The following KMT2E variants were observed in gnomAD, a reference collection of about 807,000 sequenced individuals.
The protein encoded by KMT2E is histone reader KMT2E.
In KMT2E, 30 loss-of-function variants were observed where a neutral mutation model predicts 184.6. The observed-to-expected ratio is 0.16, with a 90% CI of 0.12 to 0.22. KMT2E has a LOEUF of 0.22. KMT2E is among the 10% of genes least tolerant of loss of function. The pLI is 1.00. For missense variants in KMT2E, 2,023 were observed against 2,237.4 expected, an observed-to-expected ratio of 0.90 and a Z score of 1.93; for synonymous variants, 815 against 776.5, an observed-to-expected ratio of 1.05 and a Z score of -0.82.
intron 18 of KMT2E, 47 bp downstream of exon 18, chr7:105,105,740 A>C: frequency 2.5e-6 from 4 of 1,575,798 alleles, no homozygotes; most frequent in Non-Finnish European, 3.4e-6. Context: ...CCAAATGCCA[A>C]CTCATTCCTT....
chr7:105,110,507 C>T lies in KMT2E; in HGVS notation c.3875C>T (p.Pro1292Leu), dbSNP rs144839449. Residue 1292 changes from proline to leucine, a missense_variant, in exon 25 of 27, where the codon CCG becomes CTG. Coordinates refer to ENST00000311117, the MANE Select transcript of KMT2E (RefSeq NM_182931.3). ...GAATCACCATGTGTCTCATGTTCAC[C>T]GAGTCATGTTCAGTCTTCACCTTCA... ...GGESPCVSCS[P>L]SHVQSSPSSH... is the part of the protein sequence containing the mutation. The T allele has an allele frequency of 7.4e-5, 119 of 1,614,096 alleles. No homozygotes were observed. The African/African-American group carries it at 8.3e-4, about 11-fold the overall frequency.
At chr7:105,051,059 TTTTC>T (rs575998589) in intron 3 of KMT2E, among the ~76,000 whole-genome samples, 217 of 150,754 alleles carry the variant, frequency 1.4e-3, no homozygotes, top group Non-Finnish European at 2.5e-3. Context: ...CTTTCTTTCC[TTTTC>T]TTTCTTTCTT....
intron 13 of KMT2E, among the ~76,000 whole-genome samples, chr7:105,086,370 G>C (rs1446777406): frequency 1.3e-5 from 2 of 152,178 alleles, no homozygotes; most frequent in Non-Finnish European, 1.5e-5. Flanking sequence ...GAATGTCTAA[G>C]AAGCTTGTAC....
intron 8 of KMT2E, among the ~76,000 whole-genome samples, chr7:105,075,809 CCT>C (rs1562909763): frequency 6.6e-6 from 1 of 152,092 alleles, no homozygotes. Flanking sequence ...GCCTCAGTCT[CCT>C]GAGTAGCTGG....
At position 105,100,726 on chromosome 7, in the gene KMT2E, T is replaced by A. The variant is rs184285750; in HGVS notation, c.1723-699T>A. Among the ~76,000 whole-genome samples the A allele has an allele frequency of 1.7e-3, 264 of 152,292 alleles. 2 individuals carry two copies. Among genetic ancestry groups the A allele is most frequent in the East Asian group, 0.013 (67 of 5,188 alleles). ...GGCAAGAGGACTAAAGTAGAAATAA[T>A]AATTAACATACAGAACGCCCACCAT... On this transcript the variant is annotated intron_variant, in intron 15 of 26. Coordinates refer to ENST00000311117, the MANE Select transcript of KMT2E (RefSeq NM_182931.3).
In KMT2E at chr7:105,112,620, G is replaced by T; in HGVS notation, c.4864G>T (p.Ala1622Ser). 1 of 1,613,648 alleles carries T rather than the reference G, an allele frequency of 6.2e-7. No homozygotes were observed. The highest frequency in any genetic ancestry group is 1.1e-5 in the South Asian group (1 of 91,040). Residue 1622 changes from alanine (A) to serine (S), a missense_variant, in exon 27 of 27, where the codon GCT becomes TCT. By Grantham distance (99) the Ala-to-Ser change is moderately conservative. Transcript: ENST00000311117. ...SQNPTIHHQT[A>S]AAVVPPPPPP... ...GAACCCTACCATTCACCATCAAACT[G>T]CTGCTGCCGTAGTCCCCCCTCCTCC...
At chr7:105,014,604 G>T (rs1221263297) in intron 1 of KMT2E, 69 bp downstream of exon 1, 1 of 152,178 alleles carries the variant, frequency 6.6e-6, no homozygotes, top group Non-Finnish European at 1.5e-5. Context: ...TTTCAAGGGG[G>T]AGGGAGGTCT....
chr7:105,023,740 C>T (rs892346434), intron 1 of KMT2E, among the ~76,000 whole-genome samples: 6 of 152,038 alleles, frequency 3.9e-5, no homozygotes, highest in South Asian at 2.1e-4. Context: ...CCACTGTGCC[C>T]GGCTCCGTTA....
chr7:105,078,067 A>G (rs1797603428), intron 11 of KMT2E, among the ~76,000 whole-genome samples: 1 of 152,220 alleles, frequency 6.6e-6, no homozygotes, highest in African/African-American at 2.4e-5. Flanking sequence ...GTGTCCTACA[A>G]TTATCAAAAA....
chr7:105,071,256 A>G (rs1797273686), intron 6 of KMT2E, among the ~76,000 whole-genome samples: 1 of 151,918 alleles, frequency 6.6e-6, no homozygotes, highest in South Asian at 2.1e-4. Flanking sequence ...TTCTTTTGTT[A>G]TTATAGATAG....
chr7:105,078,660 T>A (rs1248020075), intron 11 of KMT2E, among the ~76,000 whole-genome samples, 186 bp from the exon 12 acceptor site: 11 of 59,096 alleles, frequency 1.9e-4, no homozygotes, highest in Non-Finnish European at 3.1e-4. Flanking sequence ...GCCTGGCCTT[T>A]TTTTTTTTTT....
chr7:105,107,507 A>G lies in KMT2E; in HGVS notation c.3050A>G (p.Lys1017Arg), dbSNP rs762185200. Residue 1017 changes from lysine (K) to arginine (R), a missense_variant, in exon 22 of 27, where the codon AAG (lysine) becomes AGG (arginine). By Grantham distance (26) the Lys-to-Arg change is conservative. Coordinates refer to ENST00000311117, the MANE Select transcript of KMT2E (RefSeq NM_182931.3). ...TEVNRQCPGE[K>R]EPVSDLQLGL... ...GTCAACAGGCAGTGTCCTGGAGAAA[A>G]GGAACCTGTGTCAGACCTTCAGCTA... 2.5e-6 allele frequency: 4 copies of G among 1,614,040 alleles called. No homozygotes were observed. Among genetic ancestry groups the G allele is most frequent in the Non-Finnish European group, 3.4e-6 (4 of 1,180,028 alleles).
Position 105,062,488 on chromosome 7 carries a change from G to A in KMT2E, c.186+210G>A, listed in dbSNP as rs375493216. On this transcript the variant is annotated intron_variant, in intron 4 of 26. Transcript: ENST00000311117. ...CTCTTATTATTTTGCAATTTATGCT[G>A]TTAATAGTTTGATATTATATTTCTT... Among the ~76,000 whole-genome samples, 31 of 152,174 alleles carry A rather than the reference G, an allele frequency of 2.0e-4. No individual in the cohort carries two copies. In the East Asian group the frequency reaches 4.4e-3, roughly 22 times the overall value.
At chr7:105,062,407 C>T (rs903482608) in intron 4 of KMT2E, 129 bp downstream of exon 4, 9 of 538,636 alleles carry the variant, frequency 1.7e-5, no homozygotes, top group Non-Finnish European at 2.6e-5. Flanking sequence ...AATAATTAGG[C>T]GTTTAATTTT....
chr7:105,093,398 T>G (rs2129569034), intron 15 of KMT2E, among the ~76,000 whole-genome samples: 1 of 152,226 alleles, frequency 6.6e-6, no homozygotes, highest in East Asian at 1.9e-4. Context: ...AAATTGGATA[T>G]TTGCTGGGCG....
chr7:105,026,162 A>C (rs539412587), intron 1 of KMT2E, among the ~76,000 whole-genome samples: 53 of 152,288 alleles, frequency 3.5e-4, no homozygotes, highest in Middle Eastern at 3.4e-3. Flanking sequence ...AGTCTCCTGT[A>C]TATATGTAAA....
chr7:105,018,124 C>T (rs1393380788), intron 1 of KMT2E, among the ~76,000 whole-genome samples: 1 of 152,130 alleles, frequency 6.6e-6, no homozygotes, highest in Non-Finnish European at 1.5e-5. Context: ...ATAATGTACT[C>T]GTTTTCATTC....
chr7:105,081,424 T>TTATTAG (rs1797760980), intron 12 of KMT2E, among the ~76,000 whole-genome samples: 1 of 81,274 alleles, frequency 1.2e-5, no homozygotes, highest in Admixed American at 1.2e-4. Context: ...TATAGTATTT[T>TTATTAG]TATTATTATT....
At chr7:105,092,983 C>T (rs958842665) in intron 15 of KMT2E, among the ~76,000 whole-genome samples, 1 of 151,998 alleles carries the variant, frequency 6.6e-6, no homozygotes, top group Admixed American at 6.6e-5. Flanking sequence ...CACTTCAGCC[C>T]AGGAGTTAGA....
Sources: allele counts gnomAD v4.1 joint callset (sites outside exome capture counted in the v4.1 genomes callset), GRCh38; gene constraint gnomAD v4.1.1; transcripts MANE v1.5; gene names NCBI Gene and HGNC (gene_info 2026-07-23, HGNC 2026-07-21).